TMEM72: variants seen among roughly 807,000 people sequenced by gnomAD.
The protein encoded by TMEM72 is kidney-specific secretory protein of 37 kDa.
TMEM72 carries 9 observed loss-of-function variants against 16.3 expected under a neutral mutation model. The ratio of observed to expected loss-of-function variants is 0.55; its 90% CI spans 0.33 to 0.96. TMEM72 has a LOEUF of 0.96. Ranked by LOEUF, TMEM72 falls within the 40% of genes least tolerant of loss-of-function variation. TMEM72 has a pLI of 0.03. For synonymous variants in TMEM72, 160 were observed against 146.5 expected, an observed-to-expected ratio of 1.09 and a Z score of -0.66; for missense variants, 324 against 337.8, an observed-to-expected ratio of 0.96 and a Z score of 0.32.
Position 44,934,907 on chromosome 10 carries a change from C to G in TMEM72, c.601C>G (p.Pro201Ala). The G allele has an allele frequency of 6.2e-7, 1 of 1,613,256 alleles. No homozygotes were observed. Among genetic ancestry groups the G allele is most frequent in the Non-Finnish European group, 8.5e-7 (1 of 1,179,700 alleles). ...GACTAAGAAGCCCAGTGCCCTCCAG[C>G]CCCCCAACACCCTGATGGAGCTGAG... The part of the protein sequence containing the change: ...KGTKKPSALQ[P>A]PNTLMELSLE... The change falls in exon 5 of 5, where the codon CCC (proline) becomes GCC (alanine). Residue 201 changes from proline to alanine, a missense_variant. Coordinates refer to ENST00000389583, the MANE Select transcript of TMEM72 (RefSeq NM_001123376.3).
chr10:44,924,435 G>A (rs1307135851), intron 1 of TMEM72, among the ~76,000 whole-genome samples: 2 of 152,104 alleles, frequency 1.3e-5, no homozygotes, highest in Non-Finnish European at 2.9e-5. Context: ...TCTCCTGCTG[G>A]ACTAAGCATA....
At chr10:44,917,329 A>G (rs17417060) in intron 1 of TMEM72, among the ~76,000 whole-genome samples, 12,748 of 152,256 alleles carry the variant, frequency 0.084, 602 homozygotes, top group South Asian at 0.17. Context: ...ACTGTGTAGC[A>G]TGAGTTATCA....
chr10:44,912,278 A>G (rs955594547), intron 1 of TMEM72, among the ~76,000 whole-genome samples: 1 of 152,184 alleles, frequency 6.6e-6, no homozygotes, highest in Non-Finnish European at 1.5e-5. Context: ...AGACTGTTAG[A>G]GCAGAGCCCA....
At chr10:44,934,551 C>A in intron 4 of TMEM72, 105 bp from the exon 5 acceptor site, 1 of 1,172,106 alleles carries the variant, frequency 8.5e-7, no homozygotes. Context: ...CTGTGAATGG[C>A]CACACAGCGC....
chr10:44,919,924 T>G (rs1840068958), intron 1 of TMEM72: 1 of 152,248 alleles, frequency 6.6e-6, no homozygotes, highest in Non-Finnish European at 1.5e-5. Flanking sequence ...GGCTACTACC[T>G]TACTGTCCCA....
At chr10:44,920,833 A>G (rs1284352930) in intron 1 of TMEM72, among the ~76,000 whole-genome samples, 1 of 152,190 alleles carries the variant, frequency 6.6e-6, no homozygotes, top group Non-Finnish European at 1.5e-5. Context: ...AGAGTTAATC[A>G]CTTTCCTGAG....
Position 44,935,091 on chromosome 10 carries a change from C to T in TMEM72, c.785C>T (p.Ala262Val), listed in dbSNP as rs1050584980. The T allele has an allele frequency of 1.9e-6, 3 of 1,609,066 alleles. No homozygotes were observed. The highest frequency in any genetic ancestry group is 1.1e-5 in the South Asian group (1 of 90,382). The change falls in exon 5 of 5, where the codon GCC (alanine) becomes GTC (valine). Residue 262 changes from alanine (A) to valine (V), a missense_variant. Physicochemically the swap from Ala to Val is moderately conservative, Grantham distance 64. Transcript: ENST00000389583. ...DTTPIIPPPQ[A>V]PLFLSSLTAT... The stretch of plus-strand genomic sequence containing the variant: ...ACACCCATCATTCCCCCTCCCCAGG[C>T]CCCACTCTTCCTGTCATCTCTTACA...
At chr10:44,934,525 C>A (rs1840360421) in intron 4 of TMEM72, 131 bp from the exon 5 acceptor site, 1 of 895,800 alleles carries the variant, frequency 1.1e-6, no homozygotes, top group Admixed American at 2.9e-5. Flanking sequence ...GGCAAGAGGG[C>A]CAGGGCCACA....
chr10:44,935,018 G>A lies in TMEM72; in HGVS notation c.712G>A (p.Gly238Ser). Reference protein sequence around the residue: ...LVRIVPSLAEGLDDGDSEPEE... With the variant: ...LVRIVPSLAESLDDGDSEPEE... ...CCGCATAGTCCCCTCCCTCGCCGAAGGTCTGGATGATGGGGACAGTGAGCC... is the reference window on the plus strand; with the variant it reads ...CCGCATAGTCCCCTCCCTCGCCGAAAGTCTGGATGATGGGGACAGTGAGCC... Residue 238 changes from glycine (G) to serine (S), a missense_variant, in exon 5 of 5, where the codon GGT becomes AGT. Gly to Ser is a moderately conservative substitution (Grantham distance 56). Coordinates refer to ENST00000389583, the MANE Select transcript of TMEM72 (RefSeq NM_001123376.3). 6.2e-7 allele frequency: 1 copy of A among 1,613,966 alleles called. No individual in the cohort carries two copies. Among genetic ancestry groups the A allele is most frequent in the Non-Finnish European group, 8.5e-7 (1 of 1,179,896 alleles).
intron 1 of TMEM72, among the ~76,000 whole-genome samples, chr10:44,920,643 T>C (rs1840081045): frequency 6.6e-6 from 1 of 152,200 alleles, no homozygotes; most frequent in Non-Finnish European, 1.5e-5. Flanking sequence ...GAGCAAAGGA[T>C]GAGAATAAAC....
chr10:44,917,887 G>T (rs1400510910), intron 1 of TMEM72, among the ~76,000 whole-genome samples: 2 of 152,168 alleles, frequency 1.3e-5, no homozygotes, highest in African/African-American at 4.8e-5. Flanking sequence ...AGACCTAAAA[G>T]AAATTTCTCC....
At chr10:44,934,604 C>T (rs1840362645) in intron 4 of TMEM72, 52 bp from the exon 5 acceptor site, 1 of 1,492,768 alleles carries the variant, frequency 6.7e-7, no homozygotes, top group African/African-American at 1.4e-5. Flanking sequence ...TGCAAGGACT[C>T]CGGATTTTTT....
At chr10:44,925,023 C>T (rs890894672) in intron 1 of TMEM72, among the ~76,000 whole-genome samples, 1 of 152,232 alleles carries the variant, frequency 6.6e-6, no homozygotes, top group Non-Finnish European at 1.5e-5. Flanking sequence ...GCATTTCAGA[C>T]TCCAATCCAA....
At position 44,935,207 on chromosome 10, in the gene TMEM72, G is replaced by A; in HGVS notation, c.*73G>A. On this transcript the variant is annotated 3_prime_UTR_variant, in exon 5 of 5. Coordinates refer to ENST00000389583, the MANE Select transcript of TMEM72 (RefSeq NM_001123376.3). ...CAATGGCCCTCCCTGGAGTTTCAGG[G>A]TCTTCTCTGGTCAGCTTTTCAAGGG... 7.0e-7 allele frequency: 1 copy of A among 1,420,418 alleles called. No homozygotes were observed. Among genetic ancestry groups the A allele is most frequent in the South Asian group, 1.4e-5 (1 of 70,286 alleles). The allele number at this position is 1,420,418 out of a possible 1,614,324, so 88.0% of individuals were successfully genotyped here. A position where few individuals can be genotyped will look rare whatever the true frequency, so the allele number is the denominator to read the frequency against.
chr10:44,925,974 CATAT>C (rs1174547463), intron 1 of TMEM72, among the ~76,000 whole-genome samples: 4 of 151,762 alleles, frequency 2.6e-5, no homozygotes, highest in African/African-American at 9.7e-5. Flanking sequence ...CATATATGCA[CATAT>C]ATACTCACAC....
chr10:44,931,078 T>C (rs1840288378), intron 2 of TMEM72, among the ~76,000 whole-genome samples: 1 of 152,218 alleles, frequency 6.6e-6, no homozygotes, highest in Non-Finnish European at 1.5e-5. Flanking sequence ...GTTCACAGAC[T>C]AGTGACTCTG....
intron 2 of TMEM72, 132 bp from the exon 3 acceptor site, chr10:44,931,866 G>T: frequency 1.1e-6 from 1 of 885,258 alleles, no homozygotes; most frequent in Non-Finnish European, 1.7e-6. Context: ...CGTGGTGAAT[G>T]TTGTCTGGGG....
Position 44,935,011 on chromosome 10 carries a change from C to T in TMEM72, c.705C>T (p.Leu235=), listed in dbSNP as rs908098295. ...EDNLVRIVPS[L]AEGLDDGDSE... ...ACTTGGTCCGCATAGTCCCCTCCCT[C>T]GCCGAAGGTCTGGATGATGGGGACA... The change falls in exon 5 of 5, where the codon CTC becomes CTT. Residue 235 remains leucine, a synonymous_variant. Coordinates refer to ENST00000389583, the MANE Select transcript of TMEM72 (RefSeq NM_001123376.3). 1.1e-5 allele frequency: 18 copies of T among 1,613,882 alleles called. No homozygotes were observed. The Middle Eastern group carries it at 4.9e-4, about 44-fold the overall frequency.
intron 2 of TMEM72, 109 bp from the exon 3 acceptor site, chr10:44,931,889 G>A: frequency 9.2e-7 from 1 of 1,085,248 alleles, no homozygotes. Context: ...ATCCAGGTGA[G>A]TCCATTGGCT....
Sources: allele counts gnomAD v4.1 joint callset (sites outside exome capture counted in the v4.1 genomes callset), GRCh38; gene constraint gnomAD v4.1.1; transcripts MANE v1.5; gene names NCBI Gene and HGNC (gene_info 2026-07-23, HGNC 2026-07-21).